The following UNKL variants were observed in gnomAD, a reference collection of about 807,000 sequenced individuals.
UNKL encodes the protein unk like zinc finger.
Under a neutral mutation model 78.0 loss-of-function variants are expected in UNKL, and 60 were observed. That is an observed-to-expected ratio of 0.77 (90% CI 0.63 to 0.95). UNKL has a LOEUF of 0.95. Ranked by LOEUF, UNKL falls within the 40% of genes least tolerant of loss-of-function variation. UNKL has a pLI of 0.00. For synonymous variants in UNKL, 608 were observed against 474.8 expected, an observed-to-expected ratio of 1.28 and a Z score of -3.65; for missense variants, 1,159 against 1,045.7, an observed-to-expected ratio of 1.11 and a Z score of -1.49.
At chr16:1,394,429 G>T in intron 6 of UNKL, 1 of 697,098 alleles carries the variant, frequency 1.4e-6, no homozygotes, top group Non-Finnish European at 2.6e-6. Context: ...ACGCACACAT[G>T]TGGGGCCATT....
chr16:1,401,539 ACCG>A, intron 4 of UNKL, 26 bp downstream of exon 4: 2 of 1,351,500 alleles, frequency 1.5e-6, no homozygotes, highest in Non-Finnish European at 2.0e-6. Context: ...CCCCCCCACC[ACCG>A]CCCTCAGCTG....
rs1025735299 is a variant in UNKL, at chr16:1,394,295, G to C, written c.853-80C>G. On this transcript the variant is annotated intron_variant, in intron 6 of 14. Transcript: ENST00000389221. ...GACCACAGCTGGCATCATCCCAAGG[G>C]AGAGGATTAAGCTCCAAATCGTAAC... 3.6e-5 allele frequency: 53 copies of C among 1,482,492 alleles called. No individual in the cohort carries two copies. The African/African-American group carries it at 6.9e-4, about 19-fold the overall frequency. The allele number at this position is 1,482,492 out of a possible 1,614,324, so 91.8% of individuals were successfully genotyped here.
chr16:1,392,609 A>G (rs2037094893), intron 8 of UNKL, among the ~76,000 whole-genome samples: 1 of 151,942 alleles, frequency 6.6e-6, no homozygotes, highest in Non-Finnish European at 1.5e-5. Context: ...TAATTTTTGT[A>G]TTTTTAGTAG....
intron 11 of UNKL, 120 bp downstream of exon 11, chr16:1,371,399 A>G: frequency 2.1e-6 from 2 of 943,068 alleles, no homozygotes; most frequent in African/African-American, 1.6e-5. Context: ...GCAGGAGTGC[A>G]GTGGTGCAAC....
chr16:1,396,600 C>CT (rs1280541074), intron 6 of UNKL, among the ~76,000 whole-genome samples: 1 of 151,566 alleles, frequency 6.6e-6, no homozygotes, highest in Non-Finnish European at 1.5e-5. Context: ...TTTTCTTTTT[C>CT]TTTTTTTTCC....
intron 3 of UNKL, among the ~76,000 whole-genome samples, chr16:1,402,765 A>G (rs900275395): frequency 7.2e-5 from 11 of 152,046 alleles, no homozygotes; most frequent in Non-Finnish European, 1.5e-5. Context: ...TGGGTGGATC[A>G]CAAGGTCAGG....
At chr16:1,400,230 C>A (rs1799224566) in intron 4 of UNKL, among the ~76,000 whole-genome samples, 1 of 151,726 alleles carries the variant, frequency 6.6e-6, no homozygotes, top group Admixed American at 6.6e-5. Context: ...ACTTGCCTGG[C>A]CAACACAGTG....
At chr16:1,411,500 C>G (rs769715227) in intron 2 of UNKL, among the ~76,000 whole-genome samples, 35 of 152,140 alleles carry the variant, frequency 2.3e-4, no homozygotes, top group Non-Finnish European at 4.0e-4. Context: ...CCCCTGCACT[C>G]CAGCCCAGGG....
At chr16:1,385,622 T>C (rs946007437) in intron 9 of UNKL, among the ~76,000 whole-genome samples, 2 of 152,150 alleles carry the variant, frequency 1.3e-5, no homozygotes, top group Admixed American at 6.5e-5. Context: ...GGGGAGTGTC[T>C]CGTGAGCTTT....
intron 8 of UNKL, among the ~76,000 whole-genome samples, chr16:1,391,260 ACACACACACACAC>A (rs149103914): frequency 0.87 from 131,041 of 150,042 alleles, 57,288 homozygotes; most frequent in East Asian, 1. Flanking sequence ...ACACACACAC[ACACACACACACAC>A]ACACACACAC....
At position 1,397,121 on chromosome 16, in the gene UNKL, A is replaced by G. The variant is rs142572423; in HGVS notation, c.852+57T>C. 2.1e-3 allele frequency: 3,194 copies of G among 1,518,346 alleles called. 61 individuals are homozygous for G. In the Admixed American group the frequency reaches 0.033, roughly 16 times the overall value. The allele number at this position is 1,518,346 out of a possible 1,614,324, so 94.1% of individuals were successfully genotyped here. On this transcript the variant is annotated intron_variant, in intron 6 of 14. Transcript: ENST00000389221. ...GTGTGATAACCACGCTGTGAACCCC[A>G]CAGCTTCTCTGGGACCTTCCAGCGA...
Position 1,367,259 on chromosome 16 carries a change from C to G in UNKL, c.1879G>C (p.Glu627Gln). The change falls in exon 14 of 15, where the codon GAG becomes CAG. Residue 627 changes from glutamate (E) to glutamine (Q), a missense_variant. By Grantham distance (29) the Glu-to-Gln change is conservative. Transcript: ENST00000389221. The stretch of plus-strand genomic sequence containing the variant: ...TGCTTCACCTGTGCCTCCACCTCCT[C>G]CTTCTTCTGCAGCGCCAGCTGCCGG... ...SDRQLALQKKEEVEAQVKQLQ... is the reference protein window; with the variant it reads ...SDRQLALQKKQEVEAQVKQLQ... 1.3e-6 allele frequency: 2 copies of G among 1,585,256 alleles called. No homozygotes were observed.
chr16:1,400,471 AT>A (rs1336549596), intron 4 of UNKL, among the ~76,000 whole-genome samples: 2 of 147,702 alleles, frequency 1.4e-5, no homozygotes, highest in African/African-American at 5.0e-5. Context: ...GCCATACGCA[AT>A]GTCCAGAATA....
intron 2 of UNKL, among the ~76,000 whole-genome samples, chr16:1,411,022 G>C (rs558158617): frequency 6.6e-6 from 1 of 152,136 alleles, no homozygotes; most frequent in Non-Finnish European, 1.5e-5. Context: ...GCTTGAGGCC[G>C]GGTAACACAG....
At chr16:1,369,083 T>TTTTTTTGA (rs2035562133) in intron 12 of UNKL, among the ~76,000 whole-genome samples, 1 of 72,378 alleles carries the variant, frequency 1.4e-5, no homozygotes, top group South Asian at 4.8e-4. Context: ...TTTTTTTTTT[T>TTTTTTTGA]GAAATGGAGT....
chr16:1,364,329 T>C lies in UNKL; in HGVS notation c.*1911A>G, dbSNP rs968674936. On this transcript the variant is annotated 3_prime_UTR_variant, in exon 15 of 15. Transcript: ENST00000389221. ...TTCTTAAACCACCTACTATATTAAA[T>C]ACATTCTAATTTGGTCACTGATGAT... 8 of 152,336 alleles carry C rather than the reference T, an allele frequency of 5.3e-5. No homozygotes were observed. Among genetic ancestry groups the C allele is most frequent in the Middle Eastern group, 3.4e-3 (1 of 294 alleles). The allele number at this position is 152,336 out of a possible 1,614,324, so 9.4% of individuals were successfully genotyped here. A position where few individuals can be genotyped will look rare whatever the true frequency, so the allele number is the denominator to read the frequency against.
At chr16:1,371,302 G>T (rs111987598) in intron 11 of UNKL, among the ~76,000 whole-genome samples, 2 of 152,282 alleles carry the variant, frequency 1.3e-5, no homozygotes, top group African/African-American at 4.8e-5. Flanking sequence ...AAAGGGAGAG[G>T]CAGTCAGGGA....
intron 12 of UNKL, among the ~76,000 whole-genome samples, chr16:1,368,623 A>C (rs1162643767): frequency 1.1e-4 from 16 of 148,232 alleles, no homozygotes; most frequent in African/African-American, 3.7e-4. Flanking sequence ...AAAAAAAAAA[A>C]AAAAAAAAAA....
Position 1,390,657 on chromosome 16 carries a change from C to T in UNKL, c.1061G>A (p.Arg354Lys). The T allele has an allele frequency of 6.5e-7, 1 of 1,536,050 alleles. No homozygotes were observed. The change falls in exon 9 of 15, where the codon AGG becomes AAG. Residue 354 changes from arginine to lysine, a missense_variant. Physicochemically the swap from Arg to Lys is conservative, Grantham distance 26 (BLOSUM62 2). Transcript: ENST00000389221. ...CTGCTTGCTGTCTTGCTCGCTGCCCCTAGGGCCACCCTCGGCCGGCGAGTC... is the reference window on the plus strand; with the variant it reads ...CTGCTTGCTGTCTTGCTCGCTGCCCTTAGGGCCACCCTCGGCCGGCGAGTC... ...RRDSPAEGGP[R>K]GSEQDSKQNH...
Sources: gnomAD v4.1 joint callset for allele counts (sites outside exome capture counted in the v4.1 genomes callset) on GRCh38, gnomAD v4.1.1 for gene constraint, MANE v1.5 for transcripts, NCBI Gene and HGNC (gene_info 2026-07-23, HGNC 2026-07-21) for gene names.